The following ERBB4 variants were observed in gnomAD, a reference collection of about 807,000 sequenced individuals.
ERBB4 encodes erb-b2 receptor tyrosine kinase 4.
A neutral mutation model predicts 158.0 loss-of-function variants in ERBB4; 42 were observed. The ratio of observed to expected loss-of-function variants is 0.27; its 90% CI spans 0.21 to 0.34. ERBB4 has a LOEUF of 0.34. Among genes scored for constraint, ERBB4 ranks in the 10% least tolerant of loss-of-function variants. The pLI is 1.00. For missense variants in ERBB4, 1,333 were observed against 1,624.1 expected, an observed-to-expected ratio of 0.82 and a Z score of 3.08; for synonymous variants, 583 against 558.7, an observed-to-expected ratio of 1.04 and a Z score of -0.61.
At chr2:212,353,417 AATATT>A (rs2089337814) in intron 1 of ERBB4, among the ~76,000 whole-genome samples, 1 of 149,268 alleles carries the variant, frequency 6.7e-6, no homozygotes, top group South Asian at 2.1e-4. Flanking sequence ...ATTTGTATAA[AATATT>A]ATATAAATAA....
intron 2 of ERBB4, among the ~76,000 whole-genome samples, chr2:212,111,617 TC>T (rs2079408652): frequency 7.2e-6 from 1 of 139,222 alleles, no homozygotes; most frequent in East Asian, 2.0e-4. Context: ...GAATACCTTC[TC>T]CTTTTTCTCT....
intron 2 of ERBB4, among the ~76,000 whole-genome samples, chr2:212,067,779 CT>C (rs894394605): frequency 1.3e-5 from 2 of 151,998 alleles, no homozygotes; most frequent in African/African-American, 4.8e-5. Context: ...ATCCCTACCT[CT>C]TTCAGTTGAC....
intron 27 of ERBB4, 70 bp downstream of exon 27, chr2:211,386,783 T>G (rs781683556): frequency 1.3e-6 from 2 of 1,521,218 alleles, no homozygotes; most frequent in Non-Finnish European, 1.8e-6. Context: ...GCAATTTCTA[T>G]TCTGTACTTT....
chr2:211,939,957 G>GAAAAA (rs60601231), intron 3 of ERBB4, among the ~76,000 whole-genome samples: 2 of 138,388 alleles, frequency 1.4e-5, no homozygotes, highest in Admixed American at 7.4e-5. Flanking sequence ...AAAAAAAAAG[G>GAAAAA]AAAAAAAAAA....
chr2:212,212,381 G>C (rs2082963962), intron 1 of ERBB4, among the ~76,000 whole-genome samples: 1 of 151,912 alleles, frequency 6.6e-6, no homozygotes, highest in African/African-American at 2.4e-5. Flanking sequence ...TCTTCAAGGA[G>C]AACTACAAAC....
At chr2:212,378,361 T>C (rs150691828) in intron 1 of ERBB4, among the ~76,000 whole-genome samples, 431 of 151,964 alleles carry the variant, frequency 2.8e-3, no homozygotes, top group Non-Finnish European at 3.7e-3. Context: ...GAGCCCTGCA[T>C]TGAGCATTAA....
chr2:212,531,733 C>G (rs897527745), intron 1 of ERBB4, among the ~76,000 whole-genome samples: 3 of 151,726 alleles, frequency 2.0e-5, no homozygotes, highest in Non-Finnish European at 2.9e-5. Flanking sequence ...TAAAAAAAAA[C>G]AAAAAGAAAG....
chr2:212,301,374 T>G (rs995217349), intron 1 of ERBB4, among the ~76,000 whole-genome samples: 3 of 151,382 alleles, frequency 2.0e-5, no homozygotes, highest in African/African-American at 7.3e-5. Flanking sequence ...CCTGAAAATT[T>G]TAAATAGGGT....
At chr2:211,898,042 G>T (rs1417448044) in intron 3 of ERBB4, among the ~76,000 whole-genome samples, 1 of 151,966 alleles carries the variant, frequency 6.6e-6, no homozygotes, top group Non-Finnish European at 1.5e-5. Flanking sequence ...GGGGTTACAA[G>T]TATGAGCCAT....
In ERBB4 at chr2:212,250,705, C is replaced by T. The variant is rs533918275; in HGVS notation, c.83-125802G>A. Among the ~76,000 whole-genome samples, 90 of 151,868 alleles carry T rather than the reference C, an allele frequency of 5.9e-4. 3 individuals carry two copies. The South Asian group carries it at 0.018, about 30-fold the overall frequency. ...CAATTTTTGAATGAATGAATTCAAACATCTTCCCTTCACGTTCTAGGCAGA... is the reference window on the plus strand; with the variant it reads ...CAATTTTTGAATGAATGAATTCAAATATCTTCCCTTCACGTTCTAGGCAGA... On this transcript the variant is annotated intron_variant, in intron 1 of 27. Transcript: ENST00000342788.
chr2:212,261,423 C>T (rs549529105), intron 1 of ERBB4, among the ~76,000 whole-genome samples: 26 of 152,210 alleles, frequency 1.7e-4, no homozygotes, highest in African/African-American at 6.3e-4. Flanking sequence ...AACTGTGTCA[C>T]CTCTGCATCC....
chr2:212,525,853 T>C lies in ERBB4; in HGVS notation c.82+12596A>G, dbSNP rs567800084. Among the ~76,000 whole-genome samples, 23 of 152,164 alleles carry C rather than the reference T, an allele frequency of 1.5e-4. No homozygotes were observed. The South Asian group carries it at 4.8e-3, about 31-fold the overall frequency. ...TTTTAGAATATGAAATTCTACCAGA[T>C]TCAAATCACAAAATTATCATAAAAT... is the stretch of plus-strand genomic sequence containing the variant. On this transcript the variant is annotated intron_variant, in intron 1 of 27. Transcript: ENST00000342788.
chr2:211,404,956 G>A (rs993126733), intron 25 of ERBB4, among the ~76,000 whole-genome samples: 1 of 152,132 alleles, frequency 6.6e-6, no homozygotes, highest in African/African-American at 2.4e-5. Flanking sequence ...AATCAAGGAA[G>A]TGGTGAGAAT....
intron 3 of ERBB4, among the ~76,000 whole-genome samples, chr2:211,789,661 G>A (rs1357942092): frequency 1.3e-5 from 2 of 152,140 alleles, no homozygotes; most frequent in African/African-American, 4.8e-5. Context: ...CAGCAGGGGT[G>A]TTAGTGAGGA....
chr2:211,537,798 A>C (rs1029236163), intron 20 of ERBB4, among the ~76,000 whole-genome samples: 8 of 151,982 alleles, frequency 5.3e-5, no homozygotes, highest in Non-Finnish European at 8.8e-5. Flanking sequence ...AGAAAAATCA[A>C]GATTGAAGTT....
chr2:212,226,413 G>GGC (rs991683150), intron 1 of ERBB4, among the ~76,000 whole-genome samples: 3 of 151,404 alleles, frequency 2.0e-5, no homozygotes, highest in East Asian at 3.9e-4. Flanking sequence ...AAAGACATGG[G>GGC]GGGGGGTTTG....
intron 3 of ERBB4, among the ~76,000 whole-genome samples, chr2:211,860,377 T>C (rs1309135588): frequency 1.3e-5 from 2 of 152,276 alleles, no homozygotes; most frequent in East Asian, 3.9e-4. Flanking sequence ...GCTTTCTTTG[T>C]TTTAGCAAGC....
intron 7 of ERBB4, among the ~76,000 whole-genome samples, chr2:211,716,642 T>G (rs55771984): frequency 6.6e-6 from 1 of 151,654 alleles, no homozygotes; most frequent in Non-Finnish European, 1.5e-5. Context: ...CGCCACTGCA[T>G]TCCGGCCTGG....
intron 2 of ERBB4, among the ~76,000 whole-genome samples, chr2:212,005,213 A>G (rs895634068): frequency 5.9e-5 from 9 of 152,132 alleles, no homozygotes; most frequent in Non-Finnish European, 1.3e-4. Flanking sequence ...ATTGAGTGAG[A>G]GTCACTCCTG....
Sources: gnomAD v4.1 joint callset for allele counts (sites outside exome capture counted in the v4.1 genomes callset) on GRCh38, gnomAD v4.1.1 for gene constraint, MANE v1.5 for transcripts, NCBI Gene and HGNC (gene_info 2026-07-23, HGNC 2026-07-21) for gene names.